KLF8: variants seen among roughly 807,000 people sequenced by gnomAD.
KLF8 encodes KLF transcription factor 8.
Under a neutral mutation model 18.2 loss-of-function variants are expected in KLF8, and 10 were observed. The ratio of observed to expected loss-of-function variants is 0.55; its 90% CI spans 0.34 to 0.93. The LOEUF is 0.93. Ranked by LOEUF, KLF8 falls within the 40% of genes least tolerant of loss-of-function variation. KLF8 has a pLI of 0.02. For synonymous variants in KLF8, 109 were observed against 97.3 expected, an observed-to-expected ratio of 1.12 and a Z score of -0.71; for missense variants, 264 against 277.9, an observed-to-expected ratio of 0.95 and a Z score of 0.36.
chrX:56,118,414 T>C, the KLF8 span, among the ~76,000 whole-genome samples: 1 of 111,667 alleles, frequency 9.0e-6, no homozygotes, highest in Non-Finnish European at 1.9e-5. Context: ...TGGTCTGAAA[T>C]AGAAGTTATA....
the KLF8 span, among the ~76,000 whole-genome samples, chrX:56,012,707 GC>G: frequency 9.0e-6 from 1 of 111,248 alleles, no homozygotes; most frequent in Non-Finnish European, 1.9e-5. Context: ...CATCATCTCA[GC>G]CCAAAAGCTT....
chrX:56,254,115 C>T (rs2066756139), intron 2 of KLF8, among the ~76,000 whole-genome samples: 1 of 111,162 alleles, frequency 9.0e-6, no homozygotes, highest in African/African-American at 3.3e-5. Context: ...TGCGCCCAGA[C>T]AAGAATGTCA....
At position 56,258,305 on chromosome X, in the gene KLF8, C is replaced by T. The variant is rs767510600; in HGVS notation, c.82-6875C>T. Reference sequence around the variant, plus strand: ...GTTGTTGTTTTGAGATGGAGTCTTGCTCTGTCACCCAGGCTTGAGTGCAGT... The same window carrying T: ...GTTGTTGTTTTGAGATGGAGTCTTGTTCTGTCACCCAGGCTTGAGTGCAGT... On this transcript the variant is annotated intron_variant, in intron 2 of 5. Coordinates refer to ENST00000468660, the MANE Select transcript of KLF8 (RefSeq NM_007250.5). Among the ~76,000 whole-genome samples the T allele has an allele frequency of 4.5e-5, 5 of 112,346 alleles. No homozygotes were observed. In the East Asian group the frequency reaches 1.4e-3, roughly 31 times the overall value.
the KLF8 span, among the ~76,000 whole-genome samples, chrX:55,942,670 G>A: frequency 9.0e-6 from 1 of 111,527 alleles, no homozygotes; most frequent in East Asian, 2.8e-4. Context: ...CGATTGGGTT[G>A]CATAGGGAAG....
the KLF8 span, among the ~76,000 whole-genome samples, chrX:56,027,240 G>C: frequency 9.0e-6 from 1 of 111,730 alleles, no homozygotes; most frequent in Admixed American, 9.5e-5. Context: ...AGGGAGTAGG[G>C]GGGCTGTGAC....
At chrX:56,194,436 C>T in the KLF8 span, among the ~76,000 whole-genome samples, 1 of 112,128 alleles carries the variant, frequency 8.9e-6, no homozygotes, top group African/African-American at 3.2e-5. Flanking sequence ...GAGTCCCAGA[C>T]CCGCAGAGCC....
At chrX:56,019,111 A>T in the KLF8 span, among the ~76,000 whole-genome samples, 7 of 111,868 alleles carry the variant, frequency 6.3e-5, no homozygotes, top group Non-Finnish European at 1.3e-4. Flanking sequence ...TCTGCTTTGA[A>T]TTCTGTATAG....
At chrX:56,228,507 T>A (rs772703371), upstream of KLF8, among the ~76,000 whole-genome samples, 6 of 112,503 alleles carry the variant, frequency 5.3e-5, no homozygotes, top group Admixed American at 9.4e-5. Flanking sequence ...TGAAGTAATA[T>A]CTTTAAAAGA....
the KLF8 span, among the ~76,000 whole-genome samples, chrX:55,984,207 G>A: frequency 9.1e-6 from 1 of 109,657 alleles, no homozygotes; most frequent in Non-Finnish European, 1.9e-5. Flanking sequence ...GGGTGGTTTG[G>A]GGCCCAGATC....
the KLF8 span, among the ~76,000 whole-genome samples, chrX:56,048,697 A>T: frequency 2.2e-4 from 25 of 111,926 alleles, no homozygotes; most frequent in East Asian, 7.0e-3. Context: ...GAAGTCAGGT[A>T]GCATGATGCC....
At chrX:55,916,829 T>C in the KLF8 span, among the ~76,000 whole-genome samples, 4 of 112,213 alleles carry the variant, frequency 3.6e-5, no homozygotes, top group Non-Finnish European at 7.5e-5. Flanking sequence ...ATCAATGATT[T>C]TTTTTCAGTG....
At chrX:56,224,171 A>G in the KLF8 span, among the ~76,000 whole-genome samples, 1 of 111,316 alleles carries the variant, frequency 9.0e-6, no homozygotes, top group African/African-American at 3.3e-5. Context: ...GGTTAGGGAG[A>G]CCAATTAGGA....
At chrX:56,175,381 C>T in the KLF8 span, among the ~76,000 whole-genome samples, 43 of 111,925 alleles carry the variant, frequency 3.8e-4, 1 homozygote, top group East Asian at 9.3e-3. Flanking sequence ...GAGCAGGTTG[C>T]TCAGTTTCCA....
chrX:56,235,729 A>G (rs908110910), intron 1 of KLF8, among the ~76,000 whole-genome samples: 1 of 111,010 alleles, frequency 9.0e-6, no homozygotes, highest in Non-Finnish European at 1.9e-5. Flanking sequence ...CCTGATTTTT[A>G]TATGCTAATG....
the KLF8 span, among the ~76,000 whole-genome samples, chrX:56,206,222 C>A: frequency 1.8e-5 from 2 of 111,027 alleles, no homozygotes; most frequent in South Asian, 7.8e-4. Context: ...ACCATACCAT[C>A]CCACCCCTGG....
the KLF8 span, among the ~76,000 whole-genome samples, chrX:56,196,285 G>A: frequency 9.0e-6 from 1 of 111,462 alleles, no homozygotes; most frequent in Admixed American, 9.5e-5. Context: ...ACACAGACTG[G>A]CAAATTGAAT....
At chrX:56,012,382 A>C in the KLF8 span, among the ~76,000 whole-genome samples, 4 of 111,999 alleles carry the variant, frequency 3.6e-5, no homozygotes, top group African/African-American at 1.3e-4. Flanking sequence ...AGGGCCTTTG[A>C]TAAAATTCAA....
chrX:56,080,320 A>C, the KLF8 span, among the ~76,000 whole-genome samples: 1 of 110,968 alleles, frequency 9.0e-6, no homozygotes, highest in South Asian at 3.9e-4. Context: ...TGCTTCCTTC[A>C]GGAGCTCTTG....
chrX:56,282,439 T>C (rs1259696349), intron 5 of KLF8, among the ~76,000 whole-genome samples: 1 of 112,571 alleles, frequency 8.9e-6, no homozygotes, highest in Non-Finnish European at 1.9e-5. Context: ...TGATCAGTAA[T>C]TGATGTCTTT....
Sources: allele counts gnomAD v4.1 joint callset (sites outside exome capture counted in the v4.1 genomes callset), GRCh38; gene constraint gnomAD v4.1.1; transcripts MANE v1.5; gene names NCBI Gene and HGNC (gene_info 2026-07-23, HGNC 2026-07-21).